SPRED2: variants seen among roughly 807,000 people sequenced by gnomAD.
SPRED2 encodes sprouty-related, EVH1 domain-containing protein 2.
In SPRED2, 47 loss-of-function variants were observed where a neutral mutation model predicts 43.0. The ratio of observed to expected loss-of-function variants is 1.09; its 90% CI spans 0.87 to 1.40. The LOEUF is 1.40. Among genes scored for constraint, SPRED2 ranks in the 40% most tolerant of loss-of-function variants. The pLI is 0.00. For synonymous variants in SPRED2, 225 were observed against 225.7 expected (o/e 1.00, Z 0.03); for missense variants, 561 against 586.4 (o/e 0.96, Z 0.45).
rs116654936 is a variant in SPRED2 at position 65,423,989 on chromosome 2, A to G, written c.26+7973T>C. On this transcript the variant is annotated intron_variant, in intron 1 of 5. Coordinates refer to ENST00000356388, the MANE Select transcript of SPRED2 (RefSeq NM_181784.3). ...TATTTAGTAGAGATGGGGTTTCTCC[A>G]TCTTGGTTGGGCTGGTCTCGAACTC... 7.2e-3 allele frequency among the ~76,000 whole-genome samples: 1,102 copies of G among 152,172 alleles called. 20 individuals are homozygous for G. The highest frequency in any genetic ancestry group is 0.024 in the African/African-American group (1,014 of 41,514).
chr2:65,422,136 T>TC (rs1676444170), intron 1 of SPRED2, among the ~76,000 whole-genome samples: 1 of 140,996 alleles, frequency 7.1e-6, no homozygotes, highest in Non-Finnish European at 1.6e-5. Flanking sequence ...TCTCTCTCTC[T>TC]TACCCTCACT....
At chr2:65,356,715 G>C (rs764567990) in intron 1 of SPRED2, among the ~76,000 whole-genome samples, 32 of 151,794 alleles carry the variant, frequency 2.1e-4, no homozygotes, top group Non-Finnish European at 4.0e-4. Flanking sequence ...TCTCTGGCCG[G>C]GCGCGGTGGT....
chr2:65,389,351 T>G (rs989756973), intron 1 of SPRED2, among the ~76,000 whole-genome samples: 1 of 152,040 alleles, frequency 6.6e-6, no homozygotes, highest in South Asian at 2.1e-4. Flanking sequence ...GGAGAAACAG[T>G]TAATTTTTCT....
At chr2:65,345,504 ACCCATGT>A (rs1674327378) in intron 1 of SPRED2, among the ~76,000 whole-genome samples, 1 of 151,936 alleles carries the variant, frequency 6.6e-6, no homozygotes, top group African/African-American at 2.4e-5. Flanking sequence ...CAGGTGATTT[ACCCATGT>A]TGGCATCCCA....
intron 1 of SPRED2, among the ~76,000 whole-genome samples, chr2:65,409,944 C>T (rs1281682589): frequency 4.0e-5 from 6 of 149,998 alleles, no homozygotes; most frequent in African/African-American, 9.8e-5. Context: ...GCAGGAGAAT[C>T]GCTTGAACCA....
At position 65,331,998 on chromosome 2, in the gene SPRED2, C is replaced by A; in HGVS notation, c.427G>T (p.Asp143Tyr). ...CAAAGGAAACTTACTGTAAAAACGT[C>A]ATCATCGCCAAGCTCAGCTTCATTA... is the stretch of plus-strand genomic sequence containing the variant. Reference protein sequence around the residue: ...IHNEAELGDDDVFTTATDSSS... With the variant: ...IHNEAELGDDYVFTTATDSSS... The change falls in exon 4 of 6, where the codon GAC becomes TAC. Residue 143 changes from aspartate to tyrosine, a missense_variant. Transcript: ENST00000356388. 6.2e-7 allele frequency: 1 copy of A among 1,608,328 alleles called. No homozygotes were observed. Among genetic ancestry groups the A allele is most frequent in the South Asian group, 1.1e-5 (1 of 89,744 alleles).
intron 1 of SPRED2, among the ~76,000 whole-genome samples, chr2:65,392,856 G>A (rs1675669541): frequency 2.0e-5 from 3 of 152,246 alleles, no homozygotes; most frequent in South Asian, 2.1e-4. Context: ...AAGGGTTGTC[G>A]GGGAAGACTG....
chr2:65,424,788 C>T (rs1243327645), intron 1 of SPRED2, among the ~76,000 whole-genome samples: 1 of 152,046 alleles, frequency 6.6e-6, no homozygotes, highest in Non-Finnish European at 1.5e-5. Context: ...CTCACCTCTA[C>T]TAAAAATTTA....
chr2:65,328,000 G>A (rs1036800281), intron 4 of SPRED2, among the ~76,000 whole-genome samples: 7 of 152,068 alleles, frequency 4.6e-5, no homozygotes, highest in African/African-American at 1.4e-4. Context: ...GGGATTACAG[G>A]CATGAACCGC....
chr2:65,403,970 C>T (rs183821707), intron 1 of SPRED2, among the ~76,000 whole-genome samples: 2 of 152,036 alleles, frequency 1.3e-5, no homozygotes, highest in African/African-American at 2.4e-5. Flanking sequence ...TTTGGGAGGC[C>T]GAGGCAGGTG....
At chr2:65,326,259 G>T (rs532991060) in intron 4 of SPRED2, among the ~76,000 whole-genome samples, 3 of 152,000 alleles carry the variant, frequency 2.0e-5, no homozygotes, top group Admixed American at 6.6e-5. Context: ...CTTAACCTCA[G>T]CCTGAGAGTG....
chr2:65,390,089 C>T (rs111300201), intron 1 of SPRED2, among the ~76,000 whole-genome samples: 218 of 152,310 alleles, frequency 1.4e-3, no homozygotes, highest in Middle Eastern at 0.01. Context: ...AGAACCCTCA[C>T]GGAAGCTTGT....
Position 65,384,655 on chromosome 2 carries a change from G to A in SPRED2, c.27-39759C>T, listed in dbSNP as rs947832523. On this transcript the variant is annotated intron_variant, in intron 1 of 5. Coordinates refer to ENST00000356388, the MANE Select transcript of SPRED2 (RefSeq NM_181784.3). ...CCCAGAAGGCAGATGCTACCCCCAC[G>A]GAGAAAAGCCCTCCTTACCTCTTCC... Among the ~76,000 whole-genome samples the A allele has an allele frequency of 3.9e-5, 6 of 152,026 alleles. No individual in the cohort carries two copies. The South Asian group carries it at 6.2e-4, about 16-fold the overall frequency.
intron 1 of SPRED2, among the ~76,000 whole-genome samples, chr2:65,358,599 C>A (rs564650011): frequency 2.0e-4 from 30 of 152,328 alleles, no homozygotes; most frequent in African/African-American, 7.0e-4. Context: ...TTCTTATAGA[C>A]CTCTGCTAAA....
intron 1 of SPRED2, among the ~76,000 whole-genome samples, chr2:65,422,104 A>ACACAACTCT (rs1299857849): frequency 1.6e-5 from 2 of 128,938 alleles, no homozygotes. Context: ...ACACACACAC[A>ACACAACTCT]CTCTCTCTCT....
At chr2:65,338,560 G>A (rs1444094472) in intron 2 of SPRED2, among the ~76,000 whole-genome samples, 1 of 150,698 alleles carries the variant, frequency 6.6e-6, no homozygotes, top group Non-Finnish European at 1.5e-5. Flanking sequence ...TCGGCCTCCC[G>A]AGGTGCCGGG....
chr2:65,349,308 CA>C (rs59019958), intron 1 of SPRED2, among the ~76,000 whole-genome samples: 5,288 of 83,286 alleles, frequency 0.063, 57 homozygotes, highest in African/African-American at 0.081. Context: ...GACTCTGTCT[CA>C]AAAAAAAAAA....
intron 4 of SPRED2, among the ~76,000 whole-genome samples, chr2:65,318,644 T>C (rs936592124): frequency 6.6e-6 from 1 of 152,070 alleles, no homozygotes; most frequent in Non-Finnish European, 1.5e-5. Flanking sequence ...TCCCCTCATC[T>C]CATTTGCTTA....
intron 1 of SPRED2, among the ~76,000 whole-genome samples, chr2:65,417,885 G>A (rs959494965): frequency 3.3e-5 from 5 of 152,228 alleles, no homozygotes; most frequent in African/African-American, 1.2e-4. Flanking sequence ...ACTGACGAGT[G>A]CTGTGAGAAG....
Sources: allele counts gnomAD v4.1 joint callset (sites outside exome capture counted in the v4.1 genomes callset), GRCh38; gene constraint gnomAD v4.1.1; transcripts MANE v1.5; gene names NCBI Gene and HGNC (gene_info 2026-07-23, HGNC 2026-07-21).